The following MLXIP variants were observed in gnomAD, a reference collection of about 807,000 sequenced individuals.
MLXIP encodes MLX-interacting protein.
MLXIP carries 30 observed loss-of-function variants against 87.2 expected under a neutral mutation model. That is an observed-to-expected ratio of 0.34 (90% confidence interval 0.26 to 0.47). The LOEUF is 0.47. Ranked by LOEUF, MLXIP falls within the 20% of genes least tolerant of loss-of-function variation. MLXIP has a pLI of 1.00. For missense variants in MLXIP, 1,002 were observed against 1,240.1 expected, an observed-to-expected ratio of 0.81 and a Z score of 2.88; for synonymous variants, 530 against 514.0, an observed-to-expected ratio of 1.03 and a Z score of -0.42.
intron 1 of MLXIP, among the ~76,000 whole-genome samples, chr12:122,117,901 G>A (rs761192362): frequency 2.6e-5 from 4 of 152,158 alleles, no homozygotes; most frequent in Non-Finnish European, 5.9e-5. Context: ...ACAATTGCAT[G>A]GATAGAAAAT....
intron 1 of MLXIP, among the ~76,000 whole-genome samples, chr12:122,085,443 G>A (rs1952154074): frequency 1.3e-5 from 2 of 149,702 alleles, no homozygotes; most frequent in East Asian, 1.9e-4. Flanking sequence ...TCGCTCTGTC[G>A]CCCAGGCTGG....
intron 6 of MLXIP, 35 bp downstream of exon 6, chr12:122,130,147 C>A: frequency 6.3e-7 from 1 of 1,585,432 alleles, no homozygotes; most frequent in Non-Finnish European, 8.6e-7. Flanking sequence ...TTTGAACAGC[C>A]AGCCGCTTCC....
rs1437679744 is a variant in MLXIP at position 122,078,769 on chromosome 12, G to T, written c.-85G>T. Reference sequence around the variant, plus strand: ...GCGCTCGCGGACAGTCGGCGCGCGGGCCGGGCCGGGCCGGCGCCCCTCTGC... The same window carrying T: ...GCGCTCGCGGACAGTCGGCGCGCGGTCCGGGCCGGGCCGGCGCCCCTCTGC... On this transcript the variant is annotated 5_prime_UTR_variant, in exon 1 of 17. Coordinates refer to ENST00000319080, the MANE Select transcript of MLXIP (RefSeq NM_014938.6). The T allele has an allele frequency of 4.0e-6, 4 of 1,003,338 alleles. No homozygotes were observed. The highest frequency in any genetic ancestry group is 9.3e-5 in the South Asian group (2 of 21,398). The allele number at this position is 1,003,338 out of a possible 1,614,324, so 62.2% of individuals were successfully genotyped here.
chr12:122,082,772 T>C lies in MLXIP; in HGVS notation c.413+3506T>C, dbSNP rs188295511. On this transcript the variant is annotated intron_variant, in intron 1 of 16. Transcript: ENST00000319080. ...TGTACTGTAGAACATAGTTCATGGT[T>C]CTTGCCCTCTTGACACTGTAAGGAA... 1.4e-3 allele frequency among the ~76,000 whole-genome samples: 212 copies of C among 152,332 alleles called. 2 individuals are homozygous for C. The highest frequency in any genetic ancestry group is 5.0e-3 in the African/African-American group (206 of 41,570).
chr12:122,132,429 A>G (rs1952998230), intron 8 of MLXIP, 46 bp downstream of exon 8: 1 of 1,455,916 alleles, frequency 6.9e-7, no homozygotes, highest in Non-Finnish European at 9.5e-7. Context: ...TGGCAGGCAC[A>G]GGGCTGCTCA....
chr12:122,141,908 C>T lies in MLXIP; in HGVS notation c.*96C>T. The T allele has an allele frequency of 2.0e-6, 3 of 1,535,288 alleles. No homozygotes were observed. The highest frequency in any genetic ancestry group is 1.2e-5 in the South Asian group (1 of 82,028). On this transcript the variant is annotated 3_prime_UTR_variant, in exon 17 of 17. Transcript: ENST00000319080. Reference sequence around the variant, plus strand: ...CCCCCAGCCCTTCCTGACGCTCAGCCTCGGGGCCTCTCTCCAACTCTGCCG... The same window carrying T: ...CCCCCAGCCCTTCCTGACGCTCAGCTTCGGGGCCTCTCTCCAACTCTGCCG...
chr12:122,099,826 G>C (rs1176356007), intron 1 of MLXIP, among the ~76,000 whole-genome samples: 4 of 152,214 alleles, frequency 2.6e-5, no homozygotes, highest in Admixed American at 2.6e-4. Context: ...TAGGGCATTA[G>C]GAGAACTCCC....
In MLXIP at chr12:122,137,198, G is replaced by A. The variant is rs1953108530; in HGVS notation, c.2033-271G>A. ...AAAGAGCCCACCTGCGAAATATCTCGTAAAGCGACACCAGTGACTGGAACA... is the reference window on the plus strand; with the variant it reads ...AAAGAGCCCACCTGCGAAATATCTCATAAAGCGACACCAGTGACTGGAACA... On this transcript the variant is annotated intron_variant, in intron 11 of 16. Coordinates refer to ENST00000319080, the MANE Select transcript of MLXIP (RefSeq NM_014938.6). The surrounding 1 kb of genome is among the most constrained non-coding windows in gnomAD (Gnocchi z 4.1). 1.0e-5 allele frequency: 3 copies of A among 287,292 alleles called. No homozygotes were observed. Among genetic ancestry groups the A allele is most frequent in the Admixed American group, 1.0e-4 (2 of 19,376 alleles). The allele number at this position is 287,292 out of a possible 1,614,324, so 17.8% of individuals were successfully genotyped here. A position where few individuals can be genotyped will look rare whatever the true frequency, so the allele number is the denominator to read the frequency against.
At chr12:122,099,659 G>C (rs990075054) in intron 1 of MLXIP, among the ~76,000 whole-genome samples, 5 of 152,232 alleles carry the variant, frequency 3.3e-5, no homozygotes, top group Non-Finnish European at 7.3e-5. Context: ...AACTCCCTCA[G>C]GGGGAGGAGC....
chr12:122,120,789 G>T (rs1034574453), intron 1 of MLXIP, among the ~76,000 whole-genome samples: 75 of 152,070 alleles, frequency 4.9e-4, no homozygotes, highest in African/African-American at 1.7e-3. Flanking sequence ...CATTGTACCT[G>T]TCCTGCAGCA....
At position 122,135,471 on chromosome 12, in the gene MLXIP, T is replaced by C. The variant is rs1163238058; in HGVS notation, c.1855-18T>C. ...TATATCAGCAGTCAGGGGTGACCTG[T>C]CTCCCATGTCACTGCAGGCTCCTGG... is the stretch of plus-strand genomic sequence containing the variant. On this transcript the variant is annotated intron_variant, in intron 10 of 16. Transcript: ENST00000319080. The surrounding 1 kb of genome is among the most constrained non-coding windows in gnomAD (Gnocchi z 5.3). 6.2e-6 allele frequency: 10 copies of C among 1,609,612 alleles called. No homozygotes were observed. The highest frequency in any genetic ancestry group is 8.5e-6 in the Non-Finnish European group (10 of 1,178,302).
At position 122,146,471 on chromosome 12, in the gene MLXIP, G is replaced by A. The variant is rs1953302480; in HGVS notation, c.*4659G>A. 1 of 152,386 alleles carries A rather than the reference G, an allele frequency of 6.6e-6. No homozygotes were observed. The highest frequency in any genetic ancestry group is 2.1e-4 in the South Asian group (1 of 4,830). The allele number at this position is 152,386 out of a possible 1,614,324, so 9.4% of individuals were successfully genotyped here. On this transcript the variant is annotated 3_prime_UTR_variant, in exon 17 of 17. Coordinates refer to ENST00000319080, the MANE Select transcript of MLXIP (RefSeq NM_014938.6). Reference sequence around the variant, plus strand: ...GTACCAGGGCTGGCCTCCAGAGCGGGTGAGGACAGAGCAGCTGTGGGCTTT... The same window carrying A: ...GTACCAGGGCTGGCCTCCAGAGCGGATGAGGACAGAGCAGCTGTGGGCTTT...
In MLXIP at chr12:122,120,918, T is replaced by C. The variant is rs148210751; in HGVS notation, c.414-6338T>C. Among the ~76,000 whole-genome samples, 517 of 151,150 alleles carry C rather than the reference T, an allele frequency of 3.4e-3. 4 individuals are homozygous for C. The highest frequency in any genetic ancestry group is 0.012 in the African/African-American group (492 of 41,108). On this transcript the variant is annotated intron_variant, in intron 1 of 16. Transcript: ENST00000319080. ...GGAATGGTGAAGAAACGTTGTCCCA[T>C]GACAAACAAATATGGTTGAATGAAC...
chr12:122,095,963 C>G (rs1288332993), intron 1 of MLXIP, among the ~76,000 whole-genome samples: 1 of 152,088 alleles, frequency 6.6e-6, no homozygotes, highest in East Asian at 1.9e-4. Context: ...CTCCCTGGTT[C>G]AAGTGATTCT....
At chr12:122,114,759 G>GTTTT (rs1391089094) in intron 1 of MLXIP, among the ~76,000 whole-genome samples, 1 of 40,582 alleles carries the variant, frequency 2.5e-5, no homozygotes. Context: ...TTTTTTTGGT[G>GTTTT]GGGGGGGACA....
At chr12:122,132,649 G>T in intron 8 of MLXIP, 1 of 430,676 alleles carries the variant, frequency 2.3e-6, no homozygotes, top group Non-Finnish European at 4.1e-6. Flanking sequence ...GCTCTGCTCC[G>T]ACTAATTAAC....
intron 11 of MLXIP, chr12:122,136,010 C>G (rs937471183): frequency 4.2e-6 from 1 of 237,904 alleles, no homozygotes; most frequent in African/African-American, 2.3e-5. Flanking sequence ...TCTCTGGGAG[C>G]ATCAGCCTGG....
intron 1 of MLXIP, among the ~76,000 whole-genome samples, chr12:122,083,065 C>G (rs1295962083): frequency 6.6e-6 from 1 of 152,180 alleles, no homozygotes; most frequent in Non-Finnish European, 1.5e-5. Context: ...AGCAGTCCTT[C>G]CACCTCAGCC....
chr12:122,139,107 T>G, intron 15 of MLXIP, 169 bp downstream of exon 15: 1 of 655,358 alleles, frequency 1.5e-6, no homozygotes. Context: ...CGGCCTGGCC[T>G]GCTGTGTGGG....
Sources: allele counts gnomAD v4.1 joint callset (sites outside exome capture counted in the v4.1 genomes callset), GRCh38; gene constraint gnomAD v4.1.1; non-coding constraint Gnocchi (gnomAD v3.1); transcripts MANE v1.5; gene names NCBI Gene and HGNC (gene_info 2026-07-23, HGNC 2026-07-21).